Variants in PDE1C observed in about 807,000 individuals in gnomAD.
The protein encoded by PDE1C is phosphodiesterase 1C, also known as dual specificity calcium/calmodulin-dependent 3',5'-cyclic nucleotide phosphodiesterase 1C.
PDE1C carries 62 observed loss-of-function variants against 93.1 expected under a neutral mutation model. The observed-to-expected ratio is 0.67, with a 90% CI of 0.54 to 0.82. The LOEUF (loss-of-function observed/expected upper bound fraction) is 0.82. Among genes scored for constraint, PDE1C ranks in the 40% least tolerant of loss-of-function variants. The probability of loss-of-function intolerance (pLI) is 0.00; values close to 1 mark genes in which losing one functional copy is unlikely to be tolerated. For synonymous variants in PDE1C, 325 were observed against 310.1 expected (o/e 1.05, Z -0.50); for missense variants, 742 against 884.6 (o/e 0.84, Z 2.04).
Position 31,873,318 on chromosome 7 carries a change from G to A in PDE1C, c.583C>T (p.Arg195Cys), listed in dbSNP as rs1796160732. 13 of 1,611,382 alleles carry A rather than the reference G, an allele frequency of 8.1e-6. No homozygotes were observed. The highest frequency in any genetic ancestry group is 4.4e-5 in the South Asian group (4 of 91,022). ...LKFIFYELLTRYDLISRFKIP... is the reference protein window; with the variant it reads ...LKFIFYELLTCYDLISRFKIP... Reference sequence around the variant, plus strand: ...TTGAAACGGCTGATCAGATCATAACGTGTGAGTAGTTCATAGAAAATAAAT... The same window carrying A: ...TTGAAACGGCTGATCAGATCATAACATGTGAGTAGTTCATAGAAAATAAAT... Residue 195 changes from arginine to cysteine, a missense_variant, in exon 6 of 18, where the codon CGT becomes TGT. Arg to Cys is a radical substitution (Grantham distance 180, BLOSUM62 -3). This residue lies in a region of PDE1C where 205 missense variants were observed against 295.3 expected (regional missense o/e 0.69). Transcript: ENST00000396191.
At chr7:32,112,813 T>C (rs1466021010) in intron 3 of PDE1C, among the ~76,000 whole-genome samples, 1 of 78,208 alleles carries the variant, frequency 1.3e-5, no homozygotes, top group Non-Finnish European at 2.4e-5. Flanking sequence ...TATGTGTGTG[T>C]GTGTGTGTGT....
chr7:31,642,300 A>G, the PDE1C span: 1 of 1,325,126 alleles, frequency 7.5e-7, no homozygotes. Context: ...CATCCCTAAC[A>G]TCCCACTTCA....
intron 16 of PDE1C, among the ~76,000 whole-genome samples, chr7:31,798,798 A>G (rs761711003): frequency 2.0e-5 from 3 of 151,786 alleles, no homozygotes; most frequent in African/African-American, 7.2e-5. Context: ...GCATGGACCA[A>G]TGCATAGCCA....
chr7:31,851,981 T>C (rs1793396599), intron 7 of PDE1C, among the ~76,000 whole-genome samples: 1 of 152,182 alleles, frequency 6.6e-6, no homozygotes, highest in Non-Finnish European at 1.5e-5. Flanking sequence ...GTAAGACAAA[T>C]GTGAGTATCC....
chr7:31,927,564 C>T (rs995293455), intron 2 of PDE1C, among the ~76,000 whole-genome samples: 7 of 152,170 alleles, frequency 4.6e-5, no homozygotes, highest in Non-Finnish European at 8.8e-5. Context: ...TGGTATCAGA[C>T]AGGTGTCCCT....
At chr7:31,859,444 C>T (rs1031452684) in intron 7 of PDE1C, among the ~76,000 whole-genome samples, 3 of 135,568 alleles carry the variant, frequency 2.2e-5, no homozygotes, top group African/African-American at 7.8e-5. Flanking sequence ...TATCCTATAA[C>T]TTTAATAATA....
At chr7:32,147,351 C>T (rs1005427519) in intron 3 of PDE1C, among the ~76,000 whole-genome samples, 6 of 145,442 alleles carry the variant, frequency 4.1e-5, no homozygotes, top group African/African-American at 1.0e-4. Flanking sequence ...TGTAGGTATG[C>T]TTTGTGTTTG....
chr7:31,857,220 G>C (rs1419515456), intron 7 of PDE1C, among the ~76,000 whole-genome samples: 2 of 152,124 alleles, frequency 1.3e-5, no homozygotes, highest in African/African-American at 4.8e-5. Context: ...CTATGAATTA[G>C]AGATTTATCT....
intron 16 of PDE1C, among the ~76,000 whole-genome samples, chr7:31,777,803 T>G (rs539836544): frequency 6.6e-6 from 1 of 152,252 alleles, no homozygotes; most frequent in East Asian, 1.9e-4. Flanking sequence ...CAAAAACTGT[T>G]AATTTGTATG....
At chr7:32,373,983 T>C (rs895509431) in intron 1 of PDE1C, among the ~76,000 whole-genome samples, 6 of 148,868 alleles carry the variant, frequency 4.0e-5, no homozygotes, top group South Asian at 2.1e-4. Context: ...GGCAACAGAG[T>C]GAGACTCTTT....
At chr7:32,165,824 T>C (rs1802215509) in intron 3 of PDE1C, among the ~76,000 whole-genome samples, 1 of 152,142 alleles carries the variant, frequency 6.6e-6, no homozygotes, top group African/African-American at 2.4e-5. Context: ...CTAAATCTCA[T>C]CTAGTGCAGT....
chr7:32,219,331 T>C (rs948807572), intron 1 of PDE1C, among the ~76,000 whole-genome samples: 1 of 152,160 alleles, frequency 6.6e-6, no homozygotes, highest in East Asian at 1.9e-4. Context: ...CTGAGATGCA[T>C]CAATTATTCA....
At chr7:31,848,574 C>G (rs1417231692) in intron 8 of PDE1C, among the ~76,000 whole-genome samples, 1 of 151,946 alleles carries the variant, frequency 6.6e-6, no homozygotes, top group Non-Finnish European at 1.5e-5. Flanking sequence ...CAACATTTTT[C>G]CATGCAAAAG....
At chr7:31,811,025 G>C (rs926062874) in intron 15 of PDE1C, among the ~76,000 whole-genome samples, 2 of 152,032 alleles carry the variant, frequency 1.3e-5, no homozygotes, top group Non-Finnish European at 2.9e-5. Context: ...CCGTGATATG[G>C]TTTGGCTGTG....
chr7:31,731,733 C>G, the PDE1C span, among the ~76,000 whole-genome samples: 1 of 152,120 alleles, frequency 6.6e-6, no homozygotes, highest in African/African-American at 2.4e-5. Context: ...TCCAGAAGTT[C>G]CTTTTCACTA....
chr7:31,680,867 G>C, the PDE1C span, among the ~76,000 whole-genome samples: 1 of 152,116 alleles, frequency 6.6e-6, no homozygotes, highest in Non-Finnish European at 1.5e-5. Context: ...CAAAGGATAG[G>C]GTAAGTGTGG....
intron 1 of PDE1C, among the ~76,000 whole-genome samples, chr7:32,366,398 T>G (rs1221203945): frequency 1.3e-5 from 2 of 151,642 alleles, no homozygotes; most frequent in Non-Finnish European, 2.9e-5. Flanking sequence ...GGAAAAAGAA[T>G]GAAGAAAGCC....
At chr7:32,307,851 C>A (rs1462548802) in intron 1 of PDE1C, among the ~76,000 whole-genome samples, 1 of 152,250 alleles carries the variant, frequency 6.6e-6, no homozygotes, top group Non-Finnish European at 1.5e-5. Context: ...GTACCGGGTT[C>A]ATCTCACTAG....
chr7:32,337,729 G>GC (rs1554308346), intron 1 of PDE1C, among the ~76,000 whole-genome samples: 6 of 40,204 alleles, frequency 1.5e-4, no homozygotes, highest in South Asian at 1.1e-3. Context: ...AGGGAAAGGA[G>GC]GGGGGAGAAG....
Sources: allele counts gnomAD v4.1 joint callset (sites outside exome capture counted in the v4.1 genomes callset), GRCh38; gene constraint gnomAD v4.1.1; regional missense constraint gnomAD v4.1.1; transcripts MANE v1.5; gene names NCBI Gene and HGNC (gene_info 2026-07-23, HGNC 2026-07-21).